SLC67A1: variants seen among roughly 807,000 people sequenced by gnomAD.
SLC67A1 encodes the protein solute carrier family 67 member A1.
At chr11:2,909,479 G>C in the SLC67A1 span, 12,560 of 1,433,884 alleles carry the variant, frequency 8.8e-3, 55 homozygotes, top group Non-Finnish European at 9.9e-3. Context: ...GGACGGGGGT[G>C]GGGGGCGACG....
chr11:2,907,178 G>T, the SLC67A1 span, among the ~76,000 whole-genome samples: 2 of 151,810 alleles, frequency 1.3e-5, no homozygotes, highest in Non-Finnish European at 2.9e-5. The surrounding 1 kb of genome is among the most constrained non-coding windows in gnomAD (Gnocchi z 6.7). Context: ...GAAGGGGAGT[G>T]GGACCCCAAG....
the SLC67A1 span, among the ~76,000 whole-genome samples, chr11:2,904,660 G>A: frequency 1.3e-5 from 2 of 152,262 alleles, no homozygotes; most frequent in Non-Finnish European, 2.9e-5. Flanking sequence ...CCCAGGAGCT[G>A]ACCCTGATGT....
At chr11:2,914,793 C>G in the SLC67A1 span, 1 of 985,336 alleles carries the variant, frequency 1.0e-6, no homozygotes, top group Non-Finnish European at 1.2e-6. Flanking sequence ...CCAGCCAGAC[C>G]CTGAGCTGTG....
the SLC67A1 span, chr11:2,903,284 C>T: frequency 6.3e-7 from 1 of 1,582,948 alleles, no homozygotes; most frequent in Non-Finnish European, 8.6e-7. Context: ...GGACTTTTGC[C>T]CCCTGCTCCG....
chr11:2,913,875 T>A, the SLC67A1 span, among the ~76,000 whole-genome samples: 1 of 152,164 alleles, frequency 6.6e-6, no homozygotes, highest in Non-Finnish European at 1.5e-5. Context: ...AAGCCCAGAC[T>A]TCAGCAGAGG....
At chr11:2,907,958 CT>C in the SLC67A1 span, among the ~76,000 whole-genome samples, 1 of 152,178 alleles carries the variant, frequency 6.6e-6, no homozygotes, top group African/African-American at 2.4e-5. This position sits in a 1 kb window ranked among gnomAD's most constrained non-coding sequence, Gnocchi z 6.7. Context: ...TCAGGTGCCT[CT>C]CTGGGGCGTG....
At chr11:2,922,477 C>T in the SLC67A1 span, 46 of 1,612,314 alleles carry the variant, frequency 2.9e-5, no homozygotes, top group Admixed American at 8.4e-5. Context: ...TCCTGGTGCC[C>T]GGCCTGGTGT....
the SLC67A1 span, chr11:2,916,139 AG>A: frequency 6.5e-6 from 1 of 153,860 alleles, no homozygotes; most frequent in Non-Finnish European, 1.4e-5. Flanking sequence ...TCGGTTTCTG[AG>A]GGCCTGCTGA....
the SLC67A1 span, chr11:2,908,185 C>A: frequency 7.4e-7 from 1 of 1,351,016 alleles, no homozygotes; most frequent in Middle Eastern, 1.8e-4. Context: ...GATTCTAGGC[C>A]CTGCAGTCTT....
At chr11:2,909,569 C>G in the SLC67A1 span, 6 of 1,525,744 alleles carry the variant, frequency 3.9e-6, no homozygotes, top group South Asian at 1.2e-5. Context: ...TCCCCCGCCC[C>G]GTCCCCAGCC....
the SLC67A1 span, among the ~76,000 whole-genome samples, chr11:2,906,308 T>C: frequency 1.3e-5 from 2 of 152,228 alleles, no homozygotes; most frequent in Middle Eastern, 3.2e-3. Context: ...GGAAGACATG[T>C]GGCGATTCTT....
chr11:2,922,154 T>A, the SLC67A1 span: 1 of 1,613,444 alleles, frequency 6.2e-7, no homozygotes. Flanking sequence ...TCGGAGGAGG[T>A]GCTGCTCCGG....
the SLC67A1 span, among the ~76,000 whole-genome samples, chr11:2,912,960 A>G: frequency 2.0e-5 from 3 of 152,294 alleles, no homozygotes; most frequent in African/African-American, 7.2e-5. Flanking sequence ...AGAAAAAACA[A>G]GGAGCCAGGG....
At chr11:2,909,730 G>T in the SLC67A1 span, 1,288 of 1,474,548 alleles carry the variant, frequency 8.7e-4, 3 homozygotes, top group African/African-American at 2.9e-3. Context: ...GGGGGCCGGG[G>T]CGGAGTCTGT....
chr11:2,919,424 G>A, the SLC67A1 span: 3 of 1,584,764 alleles, frequency 1.9e-6, no homozygotes, highest in South Asian at 2.2e-5. Flanking sequence ...GGGCACACAG[G>A]GCCTGCTGGG....
the SLC67A1 span, among the ~76,000 whole-genome samples, chr11:2,908,962 C>G: frequency 6.6e-6 from 1 of 152,210 alleles, no homozygotes; most frequent in Non-Finnish European, 1.5e-5. Flanking sequence ...GGTCTTTGCC[C>G]TGGGTCAGAC....
At chr11:2,903,405 A>C in the SLC67A1 span, 1 of 1,613,062 alleles carries the variant, frequency 6.2e-7, no homozygotes, top group Non-Finnish European at 8.5e-7. Context: ...TGAGCGCTCT[A>C]GGCCGGTCCT....
the SLC67A1 span, chr11:2,921,549 G>T: frequency 1.2e-4 from 19 of 165,146 alleles, no homozygotes; most frequent in African/African-American, 5.0e-4. Flanking sequence ...GCAGCCTGCG[G>T]CCAAGCCTGT....
chr11:2,914,672 C>G, the SLC67A1 span: 471 of 984,076 alleles, frequency 4.8e-4, no homozygotes, highest in Non-Finnish European at 5.3e-4. Context: ...GCCTGGCTTC[C>G]TGCCACCATG....
Sources: allele counts gnomAD v4.1 joint callset (sites outside exome capture counted in the v4.1 genomes callset), GRCh38; gene constraint gnomAD v4.1.1; non-coding constraint Gnocchi (gnomAD v3.1); transcripts MANE v1.5; gene names NCBI Gene and HGNC (gene_info 2026-07-23, HGNC 2026-07-21).